Variants in CTSC observed in about 807,000 individuals in gnomAD.
CTSC encodes the protein cathepsin C.
CTSC carries 37 observed loss-of-function variants against 40.9 expected under a neutral mutation model. That is an observed-to-expected ratio of 0.91 (90% CI 0.70 to 1.19). The LOEUF (loss-of-function observed/expected upper bound fraction) is 1.19, where lower values mean the gene tolerates loss of function less well. Ranked by LOEUF, CTSC falls within the 50% of genes most tolerant of loss-of-function variation. CTSC has a pLI of 0.00. For synonymous variants in CTSC, 232 were observed against 207.4 expected (o/e 1.12, Z -1.02); for missense variants, 594 against 567.3 (o/e 1.05, Z -0.48).
chr11:88,324,262 A>C, intron 2 of CTSC: 2 of 505,296 alleles, frequency 4.0e-6, no homozygotes, highest in Non-Finnish European at 5.1e-6. Flanking sequence ...CTCAAGATGG[A>C]TTAAAGACTT....
chr11:88,309,150 T>C lies in CTSC; in HGVS notation c.641+13A>G. The C allele has an allele frequency of 6.2e-7, 1 of 1,611,744 alleles. No homozygotes were observed. Among genetic ancestry groups the C allele is most frequent in the Non-Finnish European group, 8.5e-7 (1 of 1,177,994 alleles). ...TCATATTTTTATTAATGATAAAATG[T>C]GTGCTTGATTACCTTGGGATTTTTC... On this transcript the variant is annotated intron_variant, in intron 4 of 6. Transcript: ENST00000227266.
Position 88,294,376 on chromosome 11 carries a change from T to G in CTSC, c.1022A>C (p.Tyr341Ser), listed in dbSNP as rs1944276010. The G allele has an allele frequency of 6.2e-7, 1 of 1,613,756 alleles. No homozygotes were observed. Among genetic ancestry groups the G allele is most frequent in the African/African-American group, 1.3e-5 (1 of 74,830 alleles). ...TCCTACATAGTGGTACTCAGAGGAGTAATAACGAAAGCAGTCTTCCTTCAT... is the reference window on the plus strand; with the variant it reads ...TCCTACATAGTGGTACTCAGAGGAGGAATAACGAAAGCAGTCTTCCTTCAT... Reference protein sequence around the residue: ...CKMKEDCFRYYSSEYHYVGGF... With the variant: ...CKMKEDCFRYSSSEYHYVGGF... The change falls in exon 7 of 7, where the codon TAC becomes TCC. Residue 341 changes from tyrosine to serine, a missense_variant. By Grantham distance (144) the Tyr-to-Ser change is moderately radical. Transcript: ENST00000227266.
At chr11:88,327,937 G>C (rs983875215) in intron 2 of CTSC, 4 of 643,550 alleles carry the variant, frequency 6.2e-6, no homozygotes, top group Non-Finnish European at 1.1e-5. Flanking sequence ...ACATAAAATA[G>C]TGCAGACAAC....
At chr11:88,294,863 T>C (rs1280914324) in intron 6 of CTSC, among the ~76,000 whole-genome samples, 1 of 152,214 alleles carries the variant, frequency 6.6e-6, no homozygotes, top group Non-Finnish European at 1.5e-5. Context: ...ACTTTCCTCA[T>C]AGGGTTAAAT....
chr11:88,312,021 A>C (rs897398801), intron 3 of CTSC, among the ~76,000 whole-genome samples: 7 of 152,214 alleles, frequency 4.6e-5, no homozygotes, highest in Admixed American at 3.3e-4. Context: ...TCTTGTTTAA[A>C]AGTTGCCCAA....
chr11:88,294,183 A>C lies in CTSC; in HGVS notation c.1215T>G (p.His405Gln). Residue 405 changes from histidine to glutamine, a missense_variant, in exon 7 of 7, where the codon CAT (histidine) becomes CAG (glutamine). Transcript: ENST00000227266. ...DPFNPFELTNHAVLLVGYGTD... is the reference protein window; with the variant it reads ...DPFNPFELTNQAVLLVGYGTD... ...TGCCATAGCCCACAAGCAGAACAGCATGATTAGTCAGCTCAAAGGGGTTGA... is the reference window on the plus strand; with the variant it reads ...TGCCATAGCCCACAAGCAGAACAGCCTGATTAGTCAGCTCAAAGGGGTTGA... The C allele has an allele frequency of 6.2e-7, 1 of 1,613,948 alleles. No individual in the cohort carries two copies.
intron 4 of CTSC, among the ~76,000 whole-genome samples, chr11:88,307,001 G>A (rs1481036468): frequency 6.6e-6 from 1 of 152,216 alleles, no homozygotes; most frequent in Non-Finnish European, 1.5e-5. Flanking sequence ...GGTAGGGCAA[G>A]GGCAACCAAA....
At chr11:88,294,597 G>A in intron 6 of CTSC, 89 bp from the exon 7 acceptor site, 2 of 1,434,702 alleles carry the variant, frequency 1.4e-6, no homozygotes, top group Non-Finnish European at 1.9e-6. Flanking sequence ...ATTATTCTTT[G>A]CATGTTACCC....
At chr11:88,331,895 A>T (rs1399252044) in intron 2 of CTSC, among the ~76,000 whole-genome samples, 2 of 152,192 alleles carry the variant, frequency 1.3e-5, no homozygotes, top group African/African-American at 4.8e-5. Flanking sequence ...TGGTTTCTGT[A>T]ACAAGGGTCT....
chr11:88,316,672 G>C (rs549365201), intron 2 of CTSC, among the ~76,000 whole-genome samples: 5 of 152,290 alleles, frequency 3.3e-5, no homozygotes, highest in Admixed American at 2.6e-4. Flanking sequence ...GCACTAGGAA[G>C]TAATTAACTA....
Position 88,334,959 on chromosome 11 carries a change from T to A in CTSC, c.296A>T (p.Tyr99Phe), listed in dbSNP as rs200051475. 16 of 1,612,962 alleles carry A rather than the reference T, an allele frequency of 9.9e-6. No individual in the cohort carries two copies. The highest frequency in any genetic ancestry group is 2.7e-5 in the African/African-American group (2 of 74,954). ...AACCTTAAAAAAGGCAAACCACTTG[T>A]AGTCATTCAACACAATCTCAAAGCC... ...NQGFEIVLND[Y>F]KWFAFFKYKE... Residue 99 changes from tyrosine (Y) to phenylalanine (F), a missense_variant, in exon 2 of 7, where the codon TAC becomes TTC. By Grantham distance (22) the Tyr-to-Phe change is conservative (BLOSUM62 3). Transcript: ENST00000227266.
intron 6 of CTSC, among the ~76,000 whole-genome samples, chr11:88,294,856 T>G (rs1944281306): frequency 6.6e-6 from 1 of 152,210 alleles, no homozygotes. Flanking sequence ...TAGTAGTACT[T>G]TCCTCATAGG....
At position 88,306,426 on chromosome 11, in the gene CTSC, C is replaced by T. The variant is rs553818520; in HGVS notation, c.641+2737G>A. 5.3e-5 allele frequency among the ~76,000 whole-genome samples: 8 copies of T among 152,106 alleles called. 1 individual carries two copies. In the South Asian group the frequency reaches 1.5e-3, roughly 28 times the overall value. On this transcript the variant is annotated intron_variant, in intron 4 of 6. Coordinates refer to ENST00000227266, the MANE Select transcript of CTSC (RefSeq NM_001814.6). ...ACACCAAAAAAGGTGCCTTTTGGCC[C>T]GCCATGCCCCCCATCCTTCCCCCAT...
In CTSC at chr11:88,329,771, G is replaced by A. The variant is rs150687585; in HGVS notation, c.318+5166C>T. Among the ~76,000 whole-genome samples, 1,369 of 152,316 alleles carry A rather than the reference G, an allele frequency of 9.0e-3. 59 individuals carry two copies. Among genetic ancestry groups the A allele is most frequent in the Admixed American group, 0.079 (1,211 of 15,304 alleles). On this transcript the variant is annotated intron_variant, in intron 2 of 6. Coordinates refer to ENST00000227266, the MANE Select transcript of CTSC (RefSeq NM_001814.6). ...AGACAGAGTCTCACGCTGTCACCCA[G>A]GATGGAGTGCAGTGGTGCAATCTCA...
chr11:88,326,270 C>A, intron 2 of CTSC: 2 of 1,583,542 alleles, frequency 1.3e-6, no homozygotes, highest in South Asian at 2.3e-5. Context: ...CACCAGGACT[C>A]CTTTGCATTT....
chr11:88,324,579 G>T, intron 2 of CTSC: 1 of 983,664 alleles, frequency 1.0e-6, no homozygotes, highest in Non-Finnish European at 1.2e-6. Context: ...GCATTTTCCA[G>T]GTACCTACAA....
intron 2 of CTSC, among the ~76,000 whole-genome samples, chr11:88,331,103 CAA>C (rs1020846889): frequency 1.8e-4 from 28 of 152,198 alleles, no homozygotes; most frequent in Admixed American, 1.8e-3. Flanking sequence ...ACAATCAATA[CAA>C]AAGACTTCGG....
chr11:88,332,454 ATCAACAGTGGATGACTTTATTAT>A (rs1442546692), intron 2 of CTSC, among the ~76,000 whole-genome samples: 1 of 152,212 alleles, frequency 6.6e-6, no homozygotes, highest in Non-Finnish European at 1.5e-5. Context: ...AATGTCACCC[ATCAACAGTGGATGACTTTATTAT>A]TCAAAGTCAA....
At position 88,337,592 on chromosome 11, in the gene CTSC, A is replaced by C. The variant is rs1370319468; in HGVS notation, c.81T>G (p.Pro27=). 4.7e-5 allele frequency: 75 copies of C among 1,579,402 alleles called. No individual in the cohort carries two copies. In the East Asian group the frequency reaches 1.7e-3, roughly 36 times the overall value. ...GCAGGTCAAGATAGGTGCAGTTGGC[A>C]GGTGTGTCGCAGCGCACGGCGCCGT... is the stretch of plus-strand genomic sequence containing the variant. ...SGDGAVRCDT[P]ANCTYLDLLG... is the part of the protein sequence containing the mutation. Residue 27 remains proline (P), a synonymous_variant, in exon 1 of 7, where the codon CCT becomes CCG. Transcript: ENST00000227266.
Sources: gnomAD v4.1 joint callset for allele counts (sites outside exome capture counted in the v4.1 genomes callset) on GRCh38, gnomAD v4.1.1 for gene constraint, MANE v1.5 for transcripts, NCBI Gene and HGNC (gene_info 2026-07-23, HGNC 2026-07-21) for gene names.